The following DENND2B variants were observed in gnomAD, a reference collection of about 807,000 sequenced individuals.
DENND2B encodes the protein DENN domain containing 2B.
DENND2B carries 32 observed loss-of-function variants against 116.0 expected under a neutral mutation model. The ratio of observed to expected loss-of-function variants is 0.28; its 90% CI spans 0.21 to 0.37. The LOEUF is 0.37. Ranked by LOEUF, DENND2B falls within the 10% of genes least tolerant of loss-of-function variation. The probability of loss-of-function intolerance (pLI) is 1.00; values close to 1 mark genes in which losing one functional copy is unlikely to be tolerated. For missense variants in DENND2B, 1,276 were observed against 1,477.7 expected (o/e 0.86, Z 2.24); for synonymous variants, 588 against 583.9 (o/e 1.01, Z -0.10).
chr11:8,717,638 G>T, intron 5 of DENND2B, 103 bp downstream of exon 5: 1 of 1,380,534 alleles, frequency 7.2e-7, no homozygotes, highest in Non-Finnish European at 9.7e-7. Flanking sequence ...AAGTACTAGT[G>T]AGGGTAAAAG....
At chr11:8,894,736 AAGTC>A (rs2064078091) in intron 1 of DENND2B, among the ~76,000 whole-genome samples, 2 of 152,160 alleles carry the variant, frequency 1.3e-5, no homozygotes, top group South Asian at 4.1e-4. Context: ...GGTCATTAAA[AAGTC>A]AGGAAACAAC....
chr11:8,790,537 G>A (rs1038798974), intron 1 of DENND2B, among the ~76,000 whole-genome samples: 2 of 152,156 alleles, frequency 1.3e-5, no homozygotes, highest in African/African-American at 4.8e-5. Flanking sequence ...GGGAGGCTGA[G>A]GTAAGAGGAT....
At chr11:8,716,679 G>C (rs548470792) in intron 5 of DENND2B, among the ~76,000 whole-genome samples, 1 of 149,768 alleles carries the variant, frequency 6.7e-6, no homozygotes, top group Admixed American at 6.6e-5. Context: ...ACGGAGTCTC[G>C]CTGTGTCGCC....
intron 2 of DENND2B, among the ~76,000 whole-genome samples, chr11:8,879,432 G>C (rs1414415315): frequency 2.6e-5 from 4 of 152,208 alleles, no homozygotes; most frequent in African/African-American, 7.2e-5. Context: ...CCTCCTGACT[G>C]ATACAGGATC....
At chr11:8,755,642 T>C (rs989187654) in intron 1 of DENND2B, among the ~76,000 whole-genome samples, 2 of 151,986 alleles carry the variant, frequency 1.3e-5, no homozygotes, top group Non-Finnish European at 2.9e-5. Flanking sequence ...TAAAATGGAG[T>C]TGGTCCAGCT....
chr11:8,872,292 G>C (rs1005713004), upstream of DENND2B, among the ~76,000 whole-genome samples: 6 of 152,060 alleles, frequency 3.9e-5, no homozygotes, highest in African/African-American at 1.4e-4. Context: ...TTCAAGACCA[G>C]CCTGGCCAAC....
At chr11:8,778,905 C>CTA (rs2058045179) in intron 1 of DENND2B, among the ~76,000 whole-genome samples, 1 of 152,274 alleles carries the variant, frequency 6.6e-6, no homozygotes. Context: ...CTAGCCCAGG[C>CTA]TAAGTTCTAC....
At chr11:8,910,632 A>ATGTGTGTGT (rs1555224207) in intron 1 of DENND2B, among the ~76,000 whole-genome samples, 1 of 64,132 alleles carries the variant, frequency 1.6e-5, no homozygotes, top group African/African-American at 4.9e-5. Context: ...ACTCCTGGCT[A>ATGTGTGTGT]GTGTGTGTGT....
chr11:8,727,276 T>C (rs1359004383), intron 3 of DENND2B, among the ~76,000 whole-genome samples: 1 of 152,180 alleles, frequency 6.6e-6, no homozygotes, highest in African/African-American at 2.4e-5. Context: ...ACTAACAGCT[T>C]CTCCTGAGAG....
chr11:8,818,039 A>G (rs1423733877), intron 4 of DENND2B, among the ~76,000 whole-genome samples: 1 of 113,924 alleles, frequency 8.8e-6, no homozygotes, highest in Non-Finnish European at 2.0e-5. Context: ...AGGCTGGCAG[A>G]TCACTTGAGG....
chr11:8,709,520 G>A (rs761793984), intron 11 of DENND2B, among the ~76,000 whole-genome samples: 8 of 152,138 alleles, frequency 5.3e-5, no homozygotes, highest in Non-Finnish European at 8.8e-5. Context: ...AGGCCCAGGC[G>A]GCCAGAGGCA....
chr11:8,755,887 G>C (rs1345593652), intron 1 of DENND2B, among the ~76,000 whole-genome samples: 1 of 152,214 alleles, frequency 6.6e-6, no homozygotes, highest in Non-Finnish European at 1.5e-5. Context: ...ACGCACACTG[G>C]CTCTAGTGAG....
At chr11:8,726,569 G>A (rs985477222) in intron 3 of DENND2B, among the ~76,000 whole-genome samples, 3 of 152,228 alleles carry the variant, frequency 2.0e-5, no homozygotes, top group African/African-American at 7.2e-5. Flanking sequence ...GGAGATGGAA[G>A]TGACAGAGGC....
chr11:8,700,116 A>G, intron 14 of DENND2B: 1 of 406,572 alleles, frequency 2.5e-6, no homozygotes, highest in Non-Finnish European at 4.9e-6. Context: ...TAGAGGGTAG[A>G]ACCTTCAGGA....
intron 18 of DENND2B, chr11:8,695,970 C>A (rs780272639): frequency 4.1e-6 from 1 of 244,078 alleles, no homozygotes; most frequent in African/African-American, 2.3e-5. Flanking sequence ...AAAAAGCCCT[C>A]GAATGAGCTG....
chr11:8,863,257 C>CTTT (rs56359289), intron 2 of DENND2B, among the ~76,000 whole-genome samples: 6 of 124,516 alleles, frequency 4.8e-5, no homozygotes, highest in Non-Finnish European at 6.7e-5. Flanking sequence ...ACGCCACTTT[C>CTTT]TTTTTTTTTT....
intron 1 of DENND2B, chr11:8,785,775 G>A (rs1215389432): frequency 6.6e-6 from 1 of 152,206 alleles, no homozygotes; most frequent in Admixed American, 6.5e-5. Context: ...GGAAGGAAAG[G>A]CCAATACCTG....
chr11:8,703,457 CAG>C (rs1374071713), intron 13 of DENND2B: 1 of 152,428 alleles, frequency 6.6e-6, no homozygotes, highest in African/African-American at 2.4e-5. Context: ...GGGGGAGTCA[CAG>C]GGGTGGAAGG....
intron 1 of DENND2B, among the ~76,000 whole-genome samples, chr11:8,884,053 A>G (rs1008855307): frequency 6.6e-6 from 1 of 152,186 alleles, no homozygotes; most frequent in Non-Finnish European, 1.5e-5. Flanking sequence ...ATTTTCCTCT[A>G]TAGAGATACA....
Sources: gnomAD v4.1 joint callset for allele counts (sites outside exome capture counted in the v4.1 genomes callset) on GRCh38, gnomAD v4.1.1 for gene constraint, MANE v1.5 for transcripts, NCBI Gene and HGNC (gene_info 2026-07-23, HGNC 2026-07-21) for gene names.